Variants in TENM3 observed in about 807,000 individuals in gnomAD.
The protein encoded by TENM3 is teneurin transmembrane protein 3.
TENM3 carries 63 observed loss-of-function variants against 255.1 expected under a neutral mutation model. The observed-to-expected ratio is 0.25, with a 90% confidence interval of 0.20 to 0.30. TENM3 has a LOEUF of 0.30. Among genes scored for constraint, TENM3 ranks in the 10% least tolerant of loss-of-function variants. The probability of loss-of-function intolerance (pLI) is 1.00; values close to 1 mark genes in which losing one functional copy is unlikely to be tolerated. For synonymous variants in TENM3, 1,306 were observed against 1,322.3 expected (o/e 0.99, Z 0.27); for missense variants, 2,929 against 3,461.1 (o/e 0.85, Z 3.86).
the TENM3 span, among the ~76,000 whole-genome samples, chr4:181,757,903 A>G: frequency 6.6e-6 from 1 of 152,156 alleles, no homozygotes; most frequent in Non-Finnish European, 1.5e-5. Flanking sequence ...TGCCTTCATC[A>G]CTGCCAACTC....
chr4:181,879,584 A>G, the TENM3 span, among the ~76,000 whole-genome samples: 1 of 152,222 alleles, frequency 6.6e-6, no homozygotes, highest in African/African-American at 2.4e-5. Context: ...TAATATCTAC[A>G]GTAACATTTA....
intron 3 of TENM3, among the ~76,000 whole-genome samples, chr4:182,536,459 G>C (rs1238169310): frequency 1.3e-5 from 2 of 152,204 alleles, no homozygotes; most frequent in Non-Finnish European, 2.9e-5. Flanking sequence ...TGAAATTCCA[G>C]TTAGAAATCT....
chr4:182,248,297 A>G (rs747589447), intron 1 of TENM3, among the ~76,000 whole-genome samples: 6 of 152,368 alleles, frequency 3.9e-5, no homozygotes, highest in Non-Finnish European at 7.3e-5. Context: ...TGTCACTAAA[A>G]AAGTATATCA....
the TENM3 span, among the ~76,000 whole-genome samples, chr4:181,812,261 C>G: frequency 3.3e-5 from 5 of 152,172 alleles, no homozygotes; most frequent in African/African-American, 1.2e-4. Flanking sequence ...TCGAGTAACA[C>G]TAACTAAACT....
At chr4:182,236,953 A>G (rs1756933885) in intron 1 of TENM3, among the ~76,000 whole-genome samples, 1 of 152,092 alleles carries the variant, frequency 6.6e-6, no homozygotes, top group African/African-American at 2.4e-5. Context: ...CCTAGGTATT[A>G]AGCCTGGCAT....
At chr4:181,708,788 C>T in the TENM3 span, among the ~76,000 whole-genome samples, 1 of 152,132 alleles carries the variant, frequency 6.6e-6, no homozygotes, top group Admixed American at 6.5e-5. Flanking sequence ...TGTAGCCATG[C>T]TTAAGAACCA....
intron 3 of TENM3, among the ~76,000 whole-genome samples, chr4:182,597,550 T>G (rs1747384381): frequency 6.6e-6 from 1 of 152,228 alleles, no homozygotes; most frequent in Admixed American, 6.5e-5. Context: ...TATGTTTCCC[T>G]CTTTGTGCTG....
intron 7 of TENM3, among the ~76,000 whole-genome samples, chr4:182,677,764 A>G (rs891357773): frequency 1.2e-4 from 18 of 152,186 alleles, no homozygotes; most frequent in Non-Finnish European, 2.4e-4. Context: ...AGAACAAAAA[A>G]AGGTTTTACT....
At chr4:182,173,847 A>G (rs1188535163) in intron 1 of TENM3, among the ~76,000 whole-genome samples, 1 of 152,184 alleles carries the variant, frequency 6.6e-6, no homozygotes, top group Non-Finnish European at 1.5e-5. Flanking sequence ...TAATGTGGAT[A>G]AATGTTGAGA....
the TENM3 span, among the ~76,000 whole-genome samples, chr4:181,467,125 A>ATATATTTT: frequency 4.0e-4 from 7 of 17,620 alleles, no homozygotes; most frequent in African/African-American, 1.7e-3. Context: ...ATATATATAT[A>ATATATTTT]TTTTTTTTTT....
At chr4:182,332,564 G>GATTACA (rs1763833439) in intron 2 of TENM3, among the ~76,000 whole-genome samples, 1 of 151,874 alleles carries the variant, frequency 6.6e-6, no homozygotes, top group South Asian at 2.1e-4. Context: ...CGTGGTGGTG[G>GATTACA]GCGCCTGTAA....
the TENM3 span, among the ~76,000 whole-genome samples, chr4:182,019,854 C>T: frequency 1.4e-4 from 21 of 152,042 alleles, no homozygotes; most frequent in South Asian, 4.1e-4. Flanking sequence ...TTTGTAGAGA[C>T]GAGGTTTCTC....
At chr4:182,138,400 C>T in the TENM3 span, among the ~76,000 whole-genome samples, 1 of 152,280 alleles carries the variant, frequency 6.6e-6, no homozygotes, top group Non-Finnish European at 1.5e-5. Context: ...CGAAAATCCT[C>T]AAATGTTTCA....
At chr4:182,072,429 C>T in the TENM3 span, among the ~76,000 whole-genome samples, 1 of 152,180 alleles carries the variant, frequency 6.6e-6, no homozygotes, top group African/African-American at 2.4e-5. Flanking sequence ...TGAGCTTGGA[C>T]TTCCAGCCTC....
chr4:181,986,801 T>C, the TENM3 span, among the ~76,000 whole-genome samples: 1 of 152,086 alleles, frequency 6.6e-6, no homozygotes, highest in Non-Finnish European at 1.5e-5. Context: ...TAGGAAATTA[T>C]ATGCAGCCAT....
chr4:182,262,925 G>C (rs995207083), intron 1 of TENM3, among the ~76,000 whole-genome samples: 1 of 151,908 alleles, frequency 6.6e-6, no homozygotes, highest in Non-Finnish European at 1.5e-5. Context: ...GTGTTAGCCA[G>C]GATGGTCTCG....
chr4:181,553,292 TGTGTGTA>T, the TENM3 span, among the ~76,000 whole-genome samples: 386 of 116,894 alleles, frequency 3.3e-3, 5 homozygotes, highest in African/African-American at 0.012. Flanking sequence ...TGTGTGTGTG[TGTGTGTA>T]GTGTGTGTGT....
the TENM3 span, among the ~76,000 whole-genome samples, chr4:181,613,625 G>T: frequency 8.5e-5 from 13 of 152,118 alleles, no homozygotes; most frequent in Non-Finnish European, 1.9e-4. Flanking sequence ...TTCCTCAAAT[G>T]CAAAACAGGG....
the TENM3 span, among the ~76,000 whole-genome samples, chr4:181,761,977 A>G: frequency 2.3e-3 from 343 of 152,284 alleles, 1 homozygote; most frequent in African/African-American, 7.7e-3. Context: ...TTATTGTCAA[A>G]TTGTAGTGGC....
Sources: allele counts gnomAD v4.1 joint callset (sites outside exome capture counted in the v4.1 genomes callset), GRCh38; gene constraint gnomAD v4.1.1; transcripts MANE v1.5; gene names NCBI Gene and HGNC (gene_info 2026-07-23, HGNC 2026-07-21).